OSBPL1A: variants seen among roughly 807,000 people sequenced by gnomAD.
OSBPL1A encodes the protein oxysterol-binding protein-related protein 1.
A neutral mutation model predicts 137.1 loss-of-function variants in OSBPL1A; 80 were observed. That is an observed-to-expected ratio of 0.58 (90% confidence interval 0.49 to 0.70). The LOEUF is 0.70. Among genes scored for constraint, OSBPL1A ranks in the 30% least tolerant of loss-of-function variants. OSBPL1A has a pLI of 0.00. For missense variants in OSBPL1A, 970 were observed against 1,129.4 expected, an observed-to-expected ratio of 0.86 and a Z score of 2.02; for synonymous variants, 365 against 389.7, an observed-to-expected ratio of 0.94 and a Z score of 0.75.
chr18:24,383,922 A>G (rs898677229), intron 1 of OSBPL1A, among the ~76,000 whole-genome samples: 1 of 152,232 alleles, frequency 6.6e-6, no homozygotes, highest in African/African-American at 2.4e-5. Flanking sequence ...AGGTACCATG[A>G]TGGATAAGAT....
At chr18:24,220,171 G>A (rs1332990993) in intron 17 of OSBPL1A, among the ~76,000 whole-genome samples, 1 of 152,254 alleles carries the variant, frequency 6.6e-6, no homozygotes, top group Non-Finnish European at 1.5e-5. Context: ...CACCTGCCGT[G>A]GCAGGACTGC....
At position 24,353,395 on chromosome 18, in the gene OSBPL1A, G is replaced by A. The variant is rs1351811440; in HGVS notation, c.283-11737C>T. 1.3e-3 allele frequency among the ~76,000 whole-genome samples: 200 copies of A among 152,138 alleles called. 1 individual carries two copies. Among genetic ancestry groups the A allele is most frequent in the African/African-American group, 1.6e-3 (68 of 41,502 alleles). On this transcript the variant is annotated intron_variant, in intron 4 of 27. Transcript: ENST00000319481. ...ACCATCTCACACCACTTAGAATGGC[G>A]ATCATTAAAAAGTCAGGAAACAACA...
intron 21 of OSBPL1A, 85 bp from the exon 22 acceptor site, chr18:24,172,568 A>G (rs1207246025): frequency 3.3e-6 from 3 of 921,828 alleles, no homozygotes; most frequent in African/African-American, 3.3e-5. Flanking sequence ...GCCATTACTC[A>G]GAATAACAAA....
intron 15 of OSBPL1A, among the ~76,000 whole-genome samples, chr18:24,279,530 T>C (rs994600034): frequency 2.0e-5 from 3 of 152,188 alleles, no homozygotes; most frequent in Non-Finnish European, 2.9e-5. Flanking sequence ...AAAAGCAATT[T>C]CATCTATCTT....
chr18:24,362,058 G>A (rs908799472), intron 4 of OSBPL1A, among the ~76,000 whole-genome samples: 1 of 149,586 alleles, frequency 6.7e-6, no homozygotes, highest in East Asian at 2.0e-4. Context: ...GGTAGAAGAC[G>A]AATGAAAGTG....
chr18:24,251,677 G>A (rs563444925), intron 15 of OSBPL1A, among the ~76,000 whole-genome samples: 29 of 152,194 alleles, frequency 1.9e-4, no homozygotes, highest in Middle Eastern at 3.4e-3. Flanking sequence ...AAAGAACATC[G>A]GCAAGCATCA....
chr18:24,176,486 T>TTTG (rs535578638), intron 21 of OSBPL1A, among the ~76,000 whole-genome samples: 25 of 151,064 alleles, frequency 1.7e-4, no homozygotes, highest in Admixed American at 5.3e-4. Context: ...TTTTTTTTTT[T>TTTG]GGCTAAAATG....
Position 24,236,884 on chromosome 18 carries a change from G to A in OSBPL1A, c.1444+2336C>T, listed in dbSNP as rs572150755. ...GAGACGACTATTAAAATATTACTGAGAAACAGAAAGATAGTGGCTGCTAGA... is the reference window on the plus strand; with the variant it reads ...GAGACGACTATTAAAATATTACTGAAAAACAGAAAGATAGTGGCTGCTAGA... On this transcript the variant is annotated intron_variant, in intron 16 of 27. Coordinates refer to ENST00000319481, the MANE Select transcript of OSBPL1A (RefSeq NM_080597.4). 3.3e-5 allele frequency among the ~76,000 whole-genome samples: 5 copies of A among 152,250 alleles called. No homozygotes were observed. The South Asian group carries it at 1.0e-3, about 32-fold the overall frequency.
chr18:24,294,989 T>C (rs887076178), intron 14 of OSBPL1A, among the ~76,000 whole-genome samples: 3 of 152,220 alleles, frequency 2.0e-5, no homozygotes, highest in Admixed American at 6.5e-5. Flanking sequence ...GGAATCTCCA[T>C]ACTGTTCTCC....
At chr18:24,255,850 A>G (rs1169672020) in intron 15 of OSBPL1A, among the ~76,000 whole-genome samples, 1 of 149,510 alleles carries the variant, frequency 6.7e-6, no homozygotes, top group Non-Finnish European at 1.5e-5. Flanking sequence ...TCTGCCTCCC[A>G]AGTAGTTGGG....
chr18:24,339,789 G>C (rs2091242664), intron 5 of OSBPL1A, among the ~76,000 whole-genome samples: 1 of 152,186 alleles, frequency 6.6e-6, no homozygotes, highest in Non-Finnish European at 1.5e-5. Context: ...GATGTTATGT[G>C]TTAATTTGCT....
At chr18:24,301,361 A>G (rs1308780495) in intron 14 of OSBPL1A, 1 of 152,198 alleles carries the variant, frequency 6.6e-6, no homozygotes, top group African/African-American at 2.4e-5. Flanking sequence ...TCTTTTTAAA[A>G]CTTAATTTGG....
chr18:24,225,121 C>A lies in OSBPL1A; in HGVS notation c.1522G>T (p.Gly508Cys), dbSNP rs1470934763. The A allele has an allele frequency of 9.3e-6, 15 of 1,614,048 alleles. No individual in the cohort carries two copies. The Admixed American group carries it at 2.5e-4, about 27-fold the overall frequency. ...RSFEEEGEHL[G>C]SRKHRMSEEK... is the part of the protein sequence containing the mutation. ...TCGGACATTCTGTGTTTTCTACTGC[C>A]CAAATGCTCTCCTTCCTCTTCAAAG... is the stretch of plus-strand genomic sequence containing the variant. Residue 508 changes from glycine (G) to cysteine (C), a missense_variant, in exon 17 of 28, where the codon GGC becomes TGC. Transcript: ENST00000319481.
chr18:24,312,099 A>G lies in OSBPL1A; in HGVS notation c.977T>C (p.Leu326Pro), dbSNP rs762291451. The G allele has an allele frequency of 1.2e-6, 2 of 1,613,824 alleles. No individual in the cohort carries two copies. Among genetic ancestry groups the G allele is most frequent in the Non-Finnish European group, 1.7e-6 (2 of 1,179,882 alleles). The change falls in exon 13 of 28, where the codon CTG becomes CCG. Residue 326 changes from leucine to proline, a missense_variant. Physicochemically the swap from Leu to Pro is moderately conservative, Grantham distance 98 (BLOSUM62 -3). Coordinates refer to ENST00000319481, the MANE Select transcript of OSBPL1A (RefSeq NM_080597.4). ...AGCAGAATGTTCTTCTATTGCTTCCAGCCAGTCCTGAAATCATGCAAGAAT... is the reference window on the plus strand; with the variant it reads ...AGCAGAATGTTCTTCTATTGCTTCCGGCCAGTCCTGAAATCATGCAAGAAT... ...NSLQQSREDW[L>P]EAIEEHSAYS...
At chr18:24,290,359 T>A (rs926542469) in intron 14 of OSBPL1A, among the ~76,000 whole-genome samples, 5 of 152,064 alleles carry the variant, frequency 3.3e-5, no homozygotes, top group Non-Finnish European at 7.4e-5. Flanking sequence ...GAGGTGGGTG[T>A]CAGACAGAAC....
intron 14 of OSBPL1A, among the ~76,000 whole-genome samples, chr18:24,293,794 G>A (rs142288116): frequency 3.1e-4 from 47 of 152,308 alleles, no homozygotes; most frequent in African/African-American, 1.1e-3. Flanking sequence ...CACTCCAAGT[G>A]AGAAGATCTG....
At chr18:24,259,621 C>T (rs1265013431) in intron 15 of OSBPL1A, among the ~76,000 whole-genome samples, 7 of 152,204 alleles carry the variant, frequency 4.6e-5, no homozygotes, top group East Asian at 1.9e-4. Flanking sequence ...CCAGACTGCC[C>T]GCCTCTCATT....
intron 14 of OSBPL1A, among the ~76,000 whole-genome samples, chr18:24,294,025 A>C (rs1253012479): frequency 2.0e-5 from 3 of 152,152 alleles, no homozygotes; most frequent in Non-Finnish European, 4.4e-5. Flanking sequence ...TAAGTAGGCT[A>C]AATAGAAGTG....
At chr18:24,204,572 T>A (rs980085329) in intron 17 of OSBPL1A, among the ~76,000 whole-genome samples, 26 of 151,578 alleles carry the variant, frequency 1.7e-4, no homozygotes, top group African/African-American at 5.8e-4. Context: ...TTTTTTTTTT[T>A]TAAACATGAT....
Sources: allele counts gnomAD v4.1 joint callset (sites outside exome capture counted in the v4.1 genomes callset), GRCh38; gene constraint gnomAD v4.1.1; transcripts MANE v1.5; gene names NCBI Gene and HGNC (gene_info 2026-07-23, HGNC 2026-07-21).